TANGO6: variants seen among roughly 807,000 people sequenced by gnomAD.
TANGO6 encodes the protein transport and Golgi organization protein 6 homolog.
In TANGO6, 90 loss-of-function variants were observed where a neutral mutation model predicts 114.2. The observed-to-expected ratio is 0.79, with a 90% CI of 0.66 to 0.94. The LOEUF (loss-of-function observed/expected upper bound fraction) is 0.94. Ranked by LOEUF, TANGO6 falls within the 40% of genes least tolerant of loss-of-function variation. TANGO6 has a pLI of 0.00. For synonymous variants in TANGO6, 477 were observed against 509.8 expected, an observed-to-expected ratio of 0.94 and a Z score of 0.87; for missense variants, 1,274 against 1,315.3, an observed-to-expected ratio of 0.97 and a Z score of 0.49.
At chr16:68,878,094 T>A (rs777778790) in intron 5 of TANGO6, 24 bp from the exon 6 acceptor site, 17 of 1,594,676 alleles carry the variant, frequency 1.1e-5, no homozygotes, top group Admixed American at 1.8e-5. Context: ...AAACTGGTAT[T>A]TACTTCTTGT....
chr16:68,870,802 CT>C (rs59539664), intron 4 of TANGO6, among the ~76,000 whole-genome samples: 120 of 144,060 alleles, frequency 8.3e-4, no homozygotes, highest in East Asian at 8.1e-4. Context: ...CAATGAATTT[CT>C]TTTTTTTTTT....
At chr16:68,852,333 CTAT>C (rs1961915281) in intron 1 of TANGO6, among the ~76,000 whole-genome samples, 1 of 152,076 alleles carries the variant, frequency 6.6e-6, no homozygotes. Flanking sequence ...TAATTTTACA[CTAT>C]TATAAATCAT....
intron 5 of TANGO6, among the ~76,000 whole-genome samples, chr16:68,876,225 G>A (rs1033170032): frequency 2.6e-5 from 4 of 151,314 alleles, no homozygotes; most frequent in Non-Finnish European, 4.4e-5. Context: ...ACAATGGTGC[G>A]ATCTTGGCTC....
chr16:68,983,625 G>A (rs1310142739), intron 15 of TANGO6, among the ~76,000 whole-genome samples: 2 of 152,154 alleles, frequency 1.3e-5, no homozygotes, highest in African/African-American at 4.8e-5. Flanking sequence ...CAGAAGAAAT[G>A]GTCATGTCTG....
At chr16:68,866,800 A>G (rs915246817) in intron 3 of TANGO6, among the ~76,000 whole-genome samples, 5 of 151,802 alleles carry the variant, frequency 3.3e-5, no homozygotes, top group Non-Finnish European at 5.9e-5. Flanking sequence ...ACCCAGGCAT[A>G]GTGGCACGTG....
chr16:68,874,400 C>T (rs907950590), intron 4 of TANGO6, among the ~76,000 whole-genome samples: 2 of 152,146 alleles, frequency 1.3e-5, no homozygotes, highest in Non-Finnish European at 2.9e-5. Context: ...TCCTGGGCTG[C>T]CTGTTGTCCA....
intron 7 of TANGO6, among the ~76,000 whole-genome samples, chr16:68,889,336 T>C (rs1303446021): frequency 6.6e-6 from 1 of 152,332 alleles, no homozygotes; most frequent in East Asian, 1.9e-4. Context: ...GATTAACCAC[T>C]CATTTTGTAG....
At chr16:69,028,657 A>T (rs1364640287) in intron 16 of TANGO6, among the ~76,000 whole-genome samples, 4 of 152,162 alleles carry the variant, frequency 2.6e-5, no homozygotes, top group South Asian at 2.1e-4. Context: ...ATTAAAAAAA[A>T]ATAAAGTGTA....
At chr16:69,049,119 A>G (rs1178974898) in intron 17 of TANGO6, among the ~76,000 whole-genome samples, 4 of 152,152 alleles carry the variant, frequency 2.6e-5, no homozygotes, top group African/African-American at 9.7e-5. Flanking sequence ...CACCCTTTCA[A>G]AGTATATAAT....
chr16:69,075,421 A>G (rs1285573466), intron 17 of TANGO6, among the ~76,000 whole-genome samples: 1 of 151,964 alleles, frequency 6.6e-6, no homozygotes, highest in Non-Finnish European at 1.5e-5. Flanking sequence ...TTAGCAGAAC[A>G]GTAGAAACTC....
chr16:69,063,808 C>CTTCTTATTATTATTATTA (rs56983779), intron 17 of TANGO6, among the ~76,000 whole-genome samples: 3 of 125,584 alleles, frequency 2.4e-5, no homozygotes, highest in African/African-American at 9.8e-5. Context: ...TCTTCTTCTT[C>CTTCTTATTATTATTATTA]TTATTATTAT....
chr16:68,921,118 C>CAAAA (rs374286269), intron 12 of TANGO6, among the ~76,000 whole-genome samples: 4 of 55,696 alleles, frequency 7.2e-5, no homozygotes, highest in Non-Finnish European at 1.5e-4. Context: ...GACTCTGTCT[C>CAAAA]AAAAAAAAAA....
At chr16:68,988,686 CT>C (rs890196043) in intron 15 of TANGO6, among the ~76,000 whole-genome samples, 6 of 141,196 alleles carry the variant, frequency 4.2e-5, no homozygotes, top group Non-Finnish European at 7.6e-5. Flanking sequence ...TTTAAGTTCT[CT>C]CTCTCTTTTT....
At chr16:68,970,227 G>T (rs919750008) in intron 14 of TANGO6, among the ~76,000 whole-genome samples, 1 of 152,194 alleles carries the variant, frequency 6.6e-6, no homozygotes, top group African/African-American at 2.4e-5. Context: ...TGGTGGTGTT[G>T]TTACCAGAAG....
chr16:68,932,799 GA>G (rs201178988), intron 14 of TANGO6, among the ~76,000 whole-genome samples: 3 of 145,896 alleles, frequency 2.1e-5, no homozygotes, highest in Admixed American at 6.8e-5. Context: ...CAGAAAAAAA[GA>G]AAAAAAAAGG....
chr16:69,007,849 G>A (rs763857890), intron 15 of TANGO6, among the ~76,000 whole-genome samples: 12 of 152,136 alleles, frequency 7.9e-5, no homozygotes, highest in Non-Finnish European at 1.3e-4. Context: ...CCTCCCAGTG[G>A]ATATGAAATG....
intron 14 of TANGO6, among the ~76,000 whole-genome samples, chr16:68,957,649 T>G (rs1277996526): frequency 6.6e-6 from 1 of 151,986 alleles, no homozygotes; most frequent in African/African-American, 2.4e-5. Context: ...TCTGCCCACG[T>G]TGGCCTCCCA....
chr16:69,081,607 T>G lies in TANGO6; in HGVS notation c.3109-1878T>G, dbSNP rs938262882. On this transcript the variant is annotated intron_variant, in intron 17 of 17. Transcript: ENST00000261778. The stretch of plus-strand genomic sequence containing the variant: ...CCACCTACCTTGGCCTCCCAAGTGC[T>G]GGGATTACAGGCCTGAGCCACCACA... 4.3e-4 allele frequency among the ~76,000 whole-genome samples: 66 copies of G among 152,100 alleles called. 1 individual carries two copies. The highest frequency in any genetic ancestry group is 1.5e-3 in the African/African-American group (61 of 41,408).
intron 15 of TANGO6, among the ~76,000 whole-genome samples, chr16:68,987,044 T>C (rs1207910318): frequency 6.6e-6 from 1 of 152,174 alleles, no homozygotes; most frequent in Admixed American, 6.5e-5. Flanking sequence ...CTTCACCTGG[T>C]AATTAAGATG....
Sources: allele counts gnomAD v4.1 joint callset (sites outside exome capture counted in the v4.1 genomes callset), GRCh38; gene constraint gnomAD v4.1.1; transcripts MANE v1.5; gene names NCBI Gene and HGNC (gene_info 2026-07-23, HGNC 2026-07-21).